Variants in ZBTB44 observed in about 807,000 individuals in gnomAD.
ZBTB44 encodes zinc finger and BTB domain-containing protein 44.
Under a neutral mutation model 54.0 loss-of-function variants are expected in ZBTB44, and 15 were observed. The observed-to-expected ratio is 0.28, with a 90% CI of 0.19 to 0.43. The LOEUF (loss-of-function observed/expected upper bound fraction) is 0.43. Among genes scored for constraint, ZBTB44 ranks in the 20% least tolerant of loss-of-function variants. The pLI is 1.00. For missense variants in ZBTB44, 487 were observed against 707.1 expected (o/e 0.69, Z 3.53); for synonymous variants, 230 against 250.1 (o/e 0.92, Z 0.76).
intron 1 of ZBTB44, among the ~76,000 whole-genome samples, chr11:130,265,589 C>A (rs1409010536): frequency 6.6e-6 from 1 of 152,200 alleles, no homozygotes; most frequent in Admixed American, 6.5e-5. Context: ...GCTAGCCAAG[C>A]TGTGATAGCA....
At chr11:130,274,566 T>A (rs1188588285) in intron 1 of ZBTB44, among the ~76,000 whole-genome samples, 1 of 152,200 alleles carries the variant, frequency 6.6e-6, no homozygotes, top group Non-Finnish European at 1.5e-5. Flanking sequence ...TTACTATCAC[T>A]AAAGGGAATT....
At chr11:130,302,991 C>T (rs1056350165) in intron 1 of ZBTB44, among the ~76,000 whole-genome samples, 5 of 152,216 alleles carry the variant, frequency 3.3e-5, no homozygotes, top group African/African-American at 1.2e-4. Flanking sequence ...CCCACACATA[C>T]ACAAAAGTGA....
chr11:130,232,140 G>C (rs1406124005), intron 7 of ZBTB44: 1 of 151,640 alleles, frequency 6.6e-6, no homozygotes, highest in Non-Finnish European at 1.5e-5. Context: ...TTCTTCACAT[G>C]TTTTTGGGGA....
chr11:130,292,805 G>A (rs1187238587), intron 1 of ZBTB44, among the ~76,000 whole-genome samples: 1 of 152,166 alleles, frequency 6.6e-6, no homozygotes, highest in Non-Finnish European at 1.5e-5. Context: ...CATGGAAAAT[G>A]TATACGTGTA....
At chr11:130,283,968 T>TAAAAA (rs1940731765) in intron 1 of ZBTB44, among the ~76,000 whole-genome samples, 1 of 23,350 alleles carries the variant, frequency 4.3e-5, no homozygotes, top group African/African-American at 2.2e-4. Context: ...AGACTCCATC[T>TAAAAA]CAAAAAAAAA....
intron 1 of ZBTB44, among the ~76,000 whole-genome samples, chr11:130,278,010 T>C (rs1940232669): frequency 6.6e-6 from 1 of 152,210 alleles, no homozygotes; most frequent in African/African-American, 2.4e-5. Context: ...AGTGAGTTAT[T>C]TTCTTACTAT....
chr11:130,265,059 T>A (rs1939152034), intron 1 of ZBTB44, among the ~76,000 whole-genome samples: 1 of 152,198 alleles, frequency 6.6e-6, no homozygotes, highest in African/African-American at 2.4e-5. Context: ...ACAGTGAACT[T>A]AATGTTGTGT....
rs930721466 is a variant in ZBTB44, at chr11:130,231,444, A to G, written c.*320T>C. On this transcript the variant is annotated 3_prime_UTR_variant, in exon 8 of 8. Transcript: ENST00000357899. ...ATTCAGATTTCCCATAAAACTTGGC[A>G]ATGTGTATTACCAGTGAAAATCTAA... 6.6e-6 allele frequency: 1 copy of G among 152,130 alleles called. No homozygotes were observed. The highest frequency in any genetic ancestry group is 1.5e-5 in the Non-Finnish European group (1 of 68,004). The allele number at this position is 152,130 out of a possible 1,614,324, so 9.4% of individuals were successfully genotyped here. A position where few individuals can be genotyped will look rare whatever the true frequency, so the allele number is the denominator to read the frequency against.
intron 1 of ZBTB44, among the ~76,000 whole-genome samples, chr11:130,293,956 T>C (rs1431437631): frequency 6.6e-6 from 1 of 152,174 alleles, no homozygotes. Context: ...ATCAGAAACA[T>C]TAAATGATTA....
rs1565648554 is a variant in ZBTB44 at position 130,244,686 on chromosome 11, A to AAAAG, written c.1019-4791_1019-4790insCTTT. 2.0e-4 allele frequency among the ~76,000 whole-genome samples: 14 copies of AAAAG among 70,668 alleles called. 1 individual carries two copies. The highest frequency in any genetic ancestry group is 7.2e-4 in the Admixed American group (5 of 6,988). 46.4% of individuals were successfully genotyped at this position (70,668 alleles called of 152,430 possible). A position where few individuals can be genotyped will look rare whatever the true frequency, so the allele number is the denominator to read the frequency against. Reference sequence around the variant, plus strand: ...TGTCTGGAAAAAAAAAAAAAAAAAAAGAAAGAAAATGTACTAACTGTAACA... The same window carrying AAAAG: ...TGTCTGGAAAAAAAAAAAAAAAAAAAAAAGGAAAGAAAATGTACTAACTGTAACA... On this transcript the variant is annotated intron_variant, in intron 2 of 7. Coordinates refer to ENST00000357899, the MANE Select transcript of ZBTB44 (RefSeq NM_001301098.2).
intron 2 of ZBTB44, among the ~76,000 whole-genome samples, chr11:130,243,086 CTA>C (rs1039709853): frequency 4.1e-4 from 62 of 152,330 alleles, no homozygotes; most frequent in African/African-American, 1.5e-3. Flanking sequence ...CTTAAATCTG[CTA>C]TGTCACTTTT....
intron 2 of ZBTB44, among the ~76,000 whole-genome samples, chr11:130,247,435 GTTTGT>G (rs1488103534): frequency 1.3e-5 from 2 of 152,152 alleles, no homozygotes; most frequent in African/African-American, 2.4e-5. Flanking sequence ...TCACTGTCAG[GTTTGT>G]TTTGTTTTCC....
At chr11:130,272,736 TTTGAG>T (rs143961718) in intron 1 of ZBTB44, among the ~76,000 whole-genome samples, 10,280 of 152,050 alleles carry the variant, frequency 0.068, 457 homozygotes, top group Non-Finnish European at 0.098. Flanking sequence ...TTTAACCTAT[TTTGAG>T]TTATTTTTTG....
rs1405699207 is a variant in ZBTB44, at chr11:130,231,113, G to GCTAT, written c.*647_*650dup. 1 of 151,876 alleles carries GCTAT rather than the reference G, an allele frequency of 6.6e-6. No individual in the cohort carries two copies. Among genetic ancestry groups the GCTAT allele is most frequent in the Non-Finnish European group, 1.5e-5 (1 of 67,950 alleles). 9.4% of individuals were successfully genotyped at this position (151,876 alleles called of 1,614,324 possible). A position where few individuals can be genotyped will look rare whatever the true frequency, so the allele number is the denominator to read the frequency against. ...TCTAATGAATGGGATAATATAACTGGCTATCTCTTTGCAATATTTTCAATA... is the reference window on the plus strand; with the variant it reads ...TCTAATGAATGGGATAATATAACTGGCTATCTATCTCTTTGCAATATTTTCAATA... On this transcript the variant is annotated 3_prime_UTR_variant, in exon 8 of 8. Transcript: ENST00000357899.
chr11:130,278,413 T>C (rs76015660), intron 1 of ZBTB44, among the ~76,000 whole-genome samples: 9,513 of 152,286 alleles, frequency 0.062, 743 homozygotes, highest in African/African-American at 0.18. Context: ...TTCACTTTTG[T>C]GCTATCATAC....
chr11:130,296,094 A>G lies in ZBTB44; in HGVS notation c.-57+18281T>C, dbSNP rs1941625061. 3 of 1,578,118 alleles carry G rather than the reference A, an allele frequency of 1.9e-6. No individual in the cohort carries two copies. The East Asian group carries it at 6.7e-5, about 35-fold the overall frequency. ...TTGGGTATGAAGAGGAATTAAAGCAAATTATTAAACTTTTGCCAACATGTA... is the reference window on the plus strand; with the variant it reads ...TTGGGTATGAAGAGGAATTAAAGCAGATTATTAAACTTTTGCCAACATGTA... On this transcript the variant is annotated intron_variant, in intron 1 of 7. Coordinates refer to ENST00000357899, the MANE Select transcript of ZBTB44 (RefSeq NM_001301098.2).
intron 2 of ZBTB44, among the ~76,000 whole-genome samples, chr11:130,251,914 A>G (rs1248086205): frequency 6.6e-6 from 1 of 152,258 alleles, no homozygotes; most frequent in African/African-American, 2.4e-5. Context: ...AAATTTGCAT[A>G]TAACAATATT....
chr11:130,260,936 G>A lies in ZBTB44; in HGVS notation c.938C>T (p.Ser313Leu), dbSNP rs372697494. ...VSQPVSASQSSLSDQQTVPGS... is the reference protein window; with the variant it reads ...VSQPVSASQSLLSDQQTVPGS... The stretch of plus-strand genomic sequence containing the variant: ...TGGAACTGTCTGCTGATCACTCAGC[G>A]AACTCTGAGATGCACTGACAGGCTG... Residue 313 changes from serine (S) to leucine (L), a missense_variant, in exon 2 of 8, where the codon TCG (serine) becomes TTG (leucine). Ser to Leu is a moderately radical substitution (Grantham distance 145). Coordinates refer to ENST00000357899, the MANE Select transcript of ZBTB44 (RefSeq NM_001301098.2). The A allele has an allele frequency of 1.8e-5, 29 of 1,613,842 alleles. No individual in the cohort carries two copies. Among genetic ancestry groups the A allele is most frequent in the Admixed American group, 8.3e-5 (5 of 59,988 alleles).
intron 2 of ZBTB44, among the ~76,000 whole-genome samples, chr11:130,246,126 T>C (rs902339690): frequency 1.2e-4 from 19 of 152,210 alleles, no homozygotes; most frequent in African/African-American, 4.6e-4. Context: ...GGTAAACACA[T>C]AGTGTTATAT....
Sources: allele counts gnomAD v4.1 joint callset (sites outside exome capture counted in the v4.1 genomes callset), GRCh38; gene constraint gnomAD v4.1.1; transcripts MANE v1.5; gene names NCBI Gene and HGNC (gene_info 2026-07-23, HGNC 2026-07-21).